CDSN: variants seen among roughly 807,000 people sequenced by gnomAD.
CDSN encodes the protein S protein.
Under a neutral mutation model 25.6 loss-of-function variants are expected in CDSN, and 11 were observed. That is an observed-to-expected ratio of 0.43 (90% confidence interval 0.27 to 0.71). The LOEUF is 0.71. Ranked by LOEUF, CDSN falls within the 30% of genes least tolerant of loss-of-function variation. The probability of loss-of-function intolerance (pLI) is 0.20; values close to 1 mark genes in which losing one functional copy is unlikely to be tolerated. For synonymous variants in CDSN, 266 were observed against 267.4 expected, an observed-to-expected ratio of 0.99 and a Z score of 0.05; for missense variants, 598 against 670.9, an observed-to-expected ratio of 0.89 and a Z score of 1.20.
At position 31,117,072 on chromosome 6, in the gene CDSN, G is replaced by A; in HGVS notation, c.543C>T (p.Asn181=). ...AAGGGTTTAGTATTCCGCGGTAAGA[G>A]TTGTCATTGGTTGGCAGAGCAGAGC... ...GNGSALPTND[N]SYRGILNPSQ... Residue 181 remains asparagine, a synonymous_variant, in exon 2 of 2, where the codon AAC becomes AAT. Coordinates refer to ENST00000376288, the MANE Select transcript of CDSN (RefSeq NM_001264.5). 3.7e-6 allele frequency: 6 copies of A among 1,614,212 alleles called. No individual in the cohort carries two copies. The highest frequency in any genetic ancestry group is 4.2e-6 in the Non-Finnish European group (5 of 1,180,046).
rs924872092 is a variant in CDSN, at chr6:31,119,674, G to A, written c.85+661C>T. ...AGCACCTTGGGAGGCTGAGGCGAGC[G>A]GATCACTTGAGTCAGGAGTTCAAGA... On this transcript the variant is annotated intron_variant, in intron 1 of 1. Coordinates refer to ENST00000376288, the MANE Select transcript of CDSN (RefSeq NM_001264.5). 4.6e-5 allele frequency among the ~76,000 whole-genome samples: 7 copies of A among 152,152 alleles called. No individual in the cohort carries two copies. In the South Asian group the frequency reaches 8.3e-4, roughly 18 times the overall value.
Position 31,117,275 on chromosome 6 carries a change from G to C in CDSN, c.340C>G (p.Gln114Glu), listed in dbSNP as rs1022856089. 1 of 1,605,388 alleles carries C rather than the reference G, an allele frequency of 6.2e-7. No homozygotes were observed. The highest frequency in any genetic ancestry group is 8.5e-7 in the Non-Finnish European group (1 of 1,175,260). ...CCAGATCCGGAGGAGTAGCTGACCTGGGAATACCCCGTTCCTGGCTTAAAA... is the reference window on the plus strand; with the variant it reads ...CCAGATCCGGAGGAGTAGCTGACCTCGGAATACCCCGTTCCTGGCTTAAAA... ...GSFKPGTGYS[Q>E]VSYSSGSGSS... The change falls in exon 2 of 2, where the codon CAG becomes GAG. Residue 114 changes from glutamine to glutamate, a missense_variant. Coordinates refer to ENST00000376288, the MANE Select transcript of CDSN (RefSeq NM_001264.5).
chr6:31,116,772 C>T lies in CDSN; in HGVS notation c.843G>A (p.Lys281=), dbSNP rs768688307. Residue 281 remains lysine, a synonymous_variant, in exon 2 of 2, where the codon AAG becomes AAA. Transcript: ENST00000376288. The stretch of plus-strand genomic sequence containing the variant: ...CTACAGAGGTGATTGGGGGACAGGG[C>T]TTGCCTGGAAGGCCACCATTGCTAC... ...PPCSNGGLPG[K]PCPPITSVDK... The T allele has an allele frequency of 3.1e-6, 5 of 1,613,296 alleles. No homozygotes were observed. Among genetic ancestry groups the T allele is most frequent in the Admixed American group, 3.3e-5 (2 of 60,006 alleles).
intron 1 of CDSN, chr6:31,118,944 G>A (rs1174934676): frequency 1.3e-5 from 2 of 148,826 alleles, no homozygotes. Context: ...CTTGGTGCAA[G>A]CGATTCTCCT....
Position 31,120,349 on chromosome 6 carries a change from C to T in CDSN, c.71G>A (p.Gly24Asp). Residue 24 changes from glycine (G) to aspartate (D), a missense_variant, in exon 1 of 2, where the codon GGT becomes GAT. Coordinates refer to ENST00000376288, the MANE Select transcript of CDSN (RefSeq NM_001264.5). ...GHGMMALLLAGLLLPGTLAKS... is the reference protein window; with the variant it reads ...GHGMMALLLADLLLPGTLAKS... ...CAGCCTCCTACCTGGCAGGAGGAGACCAGCCAGCAGCAGTGCCATCATCCC... is the reference window on the plus strand; with the variant it reads ...CAGCCTCCTACCTGGCAGGAGGAGATCAGCCAGCAGCAGTGCCATCATCCC... The T allele has an allele frequency of 6.3e-7, 1 of 1,588,032 alleles. No homozygotes were observed. Among genetic ancestry groups the T allele is most frequent in the Non-Finnish European group, 8.6e-7 (1 of 1,168,140 alleles).
rs1451413695 is a variant in CDSN at position 31,116,747 on chromosome 6, C to G, written c.868G>C (p.Asp290His). 1 of 1,613,068 alleles carries G rather than the reference C, an allele frequency of 6.2e-7. No individual in the cohort carries two copies. Among genetic ancestry groups the G allele is most frequent in the Admixed American group, 1.7e-5 (1 of 60,024 alleles). ...GKPCPPITSV[D>H]KSYGGYEVVG... ...ACCTCGTAGCCACCATAGGATTTGT[C>G]TACAGAGGTGATTGGGGGACAGGGC... The change falls in exon 2 of 2, where the codon GAC becomes CAC. Residue 290 changes from aspartate (D) to histidine (H), a missense_variant. Coordinates refer to ENST00000376288, the MANE Select transcript of CDSN (RefSeq NM_001264.5).
Position 31,117,154 on chromosome 6 carries a change from T to C in CDSN, c.461A>G (p.His154Arg). 1 of 1,606,412 alleles carries C rather than the reference T, an allele frequency of 6.2e-7. No homozygotes were observed. The highest frequency in any genetic ancestry group is 1.1e-5 in the South Asian group (1 of 90,720). The change falls in exon 2 of 2, where the codon CAT becomes CGT. Residue 154 changes from histidine (H) to arginine (R), a missense_variant. By Grantham distance (29) the His-to-Arg change is conservative. Transcript: ENST00000376288. The stretch of plus-strand genomic sequence containing the variant: ...CTGAAAGCTGCTGCTGCTGCTCGAA[T>C]GAGAGCTGCTGCTTCCCGAGTGAGA... ...SGSHSGSSSS[H>R]SSSSSSFQFS...
chr6:31,120,260 T>C lies in CDSN; in HGVS notation c.85+75A>G, dbSNP rs3095319. Reference sequence around the variant, plus strand: ...AAAGGCAGATTCCAGAGCCCCTGCCTGTCCCCTTCGCTGGGTCCTCTCCCG... The same window carrying C: ...AAAGGCAGATTCCAGAGCCCCTGCCCGTCCCCTTCGCTGGGTCCTCTCCCG... On this transcript the variant is annotated intron_variant, in intron 1 of 1. Coordinates refer to ENST00000376288, the MANE Select transcript of CDSN (RefSeq NM_001264.5). 0.74 allele frequency: 850,233 copies of C among 1,149,336 alleles called. 316,626 individuals carry two copies. Among genetic ancestry groups the C allele is most frequent in the South Asian group, 0.83 (63,268 of 76,532 alleles). 71.2% of individuals were successfully genotyped at this position (1,149,336 alleles called of 1,614,324 possible). A position where few individuals can be genotyped will look rare whatever the true frequency, so the allele number is the denominator to read the frequency against.
chr6:31,115,929 C>T lies in CDSN; in HGVS notation c.*96G>A. On this transcript the variant is annotated 3_prime_UTR_variant, in exon 2 of 2. Transcript: ENST00000376288. The surrounding 1 kb of genome is among the most constrained non-coding windows in gnomAD (Gnocchi z 4.2). ...TCTTTTGGGAAGGAGGGAAACTGAG[C>T]TAACCCTATGCCTGGGCACTGGACT... 1 of 1,126,066 alleles carries T rather than the reference C, an allele frequency of 8.9e-7. No individual in the cohort carries two copies. 69.8% of individuals were successfully genotyped at this position (1,126,066 alleles called of 1,614,324 possible).
chr6:31,116,305 G>A lies in CDSN; in HGVS notation c.1310C>T (p.Ser437Phe), dbSNP rs764535227. The A allele has an allele frequency of 3.7e-5, 60 of 1,613,968 alleles. 1 individual carries two copies. In the Admixed American group the frequency reaches 4.5e-4, roughly 12 times the overall value. Residue 437 changes from serine to phenylalanine, a missense_variant, in exon 2 of 2, where the codon TCC becomes TTC. By Grantham distance (155) the Ser-to-Phe change is radical. Coordinates refer to ENST00000376288, the MANE Select transcript of CDSN (RefSeq NM_001264.5). Reference protein sequence around the residue: ...GTGSFSSSSSSQSSGKIILQP... With the variant: ...GTGSFSSSSSFQSSGKIILQP... The stretch of plus-strand genomic sequence containing the variant: ...AAGGATGATTTTGCCACTGGATTGG[G>A]AACTGGAGCTGCTGCTGAAGGAGCC...
rs1062470 is a variant in CDSN, at chr6:31,116,658, G to A, written c.957C>T (p.Tyr319=). Reference sequence around the variant, plus strand: ...TCTCTTTGGTGAAGTAGCCCACAGGGTAGATTTTACCCTTACTGTAGGTCA... The same window carrying A: ...TCTCTTTGGTGAAGTAGCCCACAGGATAGATTTTACCCTTACTGTAGGTCA... ...PGMTYSKGKI[Y]PVGYFTKENP... The change falls in exon 2 of 2, where the codon TAC becomes TAT. Residue 319 remains tyrosine (Y), a synonymous_variant. Coordinates refer to ENST00000376288, the MANE Select transcript of CDSN (RefSeq NM_001264.5). The A allele has an allele frequency of 0.34, 545,089 of 1,612,366 alleles. 95,991 individuals carry two copies. The highest frequency in any genetic ancestry group is 0.57 in the African/African-American group (42,721 of 74,930).
chr6:31,117,067 T>C lies in CDSN; in HGVS notation c.548A>G (p.Tyr183Cys). The change falls in exon 2 of 2, where the codon TAC becomes TGC. Residue 183 changes from tyrosine (Y) to cysteine (C), a missense_variant. Transcript: ENST00000376288. ...CTGGGAAGGGTTTAGTATTCCGCGG[T>C]AAGAGTTGTCATTGGTTGGCAGAGC... ...GSALPTNDNS[Y>C]RGILNPSQPG... 1.9e-6 allele frequency: 3 copies of C among 1,614,180 alleles called. No homozygotes were observed. The highest frequency in any genetic ancestry group is 2.5e-6 in the Non-Finnish European group (3 of 1,180,018).
chr6:31,117,173 A>T lies in CDSN; in HGVS notation c.442T>A (p.Ser148Thr). 1 of 1,611,926 alleles carries T rather than the reference A, an allele frequency of 6.2e-7. No individual in the cohort carries two copies. Among genetic ancestry groups the T allele is most frequent in the African/African-American group, 1.3e-5 (1 of 74,910 alleles). The change falls in exon 2 of 2, where the codon TCG becomes ACG. Residue 148 changes from serine to threonine, a missense_variant. Ser to Thr is a moderately conservative substitution (Grantham distance 58, BLOSUM62 1). Transcript: ENST00000376288. ...SSHSGNSGSH[S>T]GSSSSHSSSS... ...CTCGAATGAGAGCTGCTGCTTCCCG[A>T]GTGAGAGCCGCTGTTTCCCGAGTGA...
chr6:31,118,593 C>G (rs1039632890), intron 1 of CDSN: 1 of 152,494 alleles, frequency 6.6e-6, no homozygotes, highest in Non-Finnish European at 1.5e-5. Flanking sequence ...CTTTCCTTTC[C>G]TTTGCTCAAA....
intron 1 of CDSN, chr6:31,118,224 C>G (rs748581771): frequency 6.6e-6 from 1 of 152,536 alleles, no homozygotes; most frequent in African/African-American, 2.4e-5. Flanking sequence ...AAAGGGCACT[C>G]GAGGACTAAG....
rs140309252 is a variant in CDSN, at chr6:31,117,426, G to T, written c.189C>A (p.Ser63Arg). ...DPCLTGKGDS[S>R]GFSSYSGSSS... is the part of the protein sequence containing the mutation. Reference sequence around the variant, plus strand: ...TGGAGCCACTGTAGCTACTGAAACCGCTGGAGTCACCCTTCCCAGTGAGGC... The same window carrying T: ...TGGAGCCACTGTAGCTACTGAAACCTCTGGAGTCACCCTTCCCAGTGAGGC... Residue 63 changes from serine to arginine, a missense_variant, in exon 2 of 2, where the codon AGC becomes AGA. Ser to Arg is a moderately radical substitution (Grantham distance 110). Transcript: ENST00000376288. The T allele has an allele frequency of 6.4e-7, 1 of 1,560,298 alleles. No individual in the cohort carries two copies. Among genetic ancestry groups the T allele is most frequent in the Non-Finnish European group, 8.7e-7 (1 of 1,152,302 alleles).
intron 1 of CDSN, among the ~76,000 whole-genome samples, chr6:31,119,294 C>A (rs1046609020): frequency 1.3e-5 from 2 of 152,184 alleles, no homozygotes; most frequent in African/African-American, 4.8e-5. Context: ...CACGCCGAAC[C>A]CCAGCTGTGC....
At position 31,115,659 on chromosome 6, in the gene CDSN, G is replaced by A. The variant is rs1338516822; in HGVS notation, c.*366C>T. The A allele has an allele frequency of 6.6e-6, 2 of 305,014 alleles. No homozygotes were observed. The highest frequency in any genetic ancestry group is 1.2e-5 in the Non-Finnish European group (2 of 164,340). The allele number at this position is 305,014 out of a possible 1,614,324, so 18.9% of individuals were successfully genotyped here. On this transcript the variant is annotated 3_prime_UTR_variant, in exon 2 of 2. Coordinates refer to ENST00000376288, the MANE Select transcript of CDSN (RefSeq NM_001264.5). The surrounding 1 kb of genome is among the most constrained non-coding windows in gnomAD (Gnocchi z 4.2). Reference sequence around the variant, plus strand: ...TCTTCAGGCGTCAGAGGTGCTCTGAGAGCATTTCAGGGGTTTCCCAGTTGA... The same window carrying A: ...TCTTCAGGCGTCAGAGGTGCTCTGAAAGCATTTCAGGGGTTTCCCAGTTGA...
In CDSN at chr6:31,116,672, T is replaced by C. The variant is rs750122643; in HGVS notation, c.943A>G (p.Lys315Glu). 6.2e-7 allele frequency: 1 copy of C among 1,612,728 alleles called. No homozygotes were observed. Among genetic ancestry groups the C allele is most frequent in the Non-Finnish European group, 8.5e-7 (1 of 1,180,006 alleles). Residue 315 changes from lysine to glutamate, a missense_variant, in exon 2 of 2, where the codon AAG (lysine) becomes GAG (glutamate). Lys to Glu is a moderately conservative substitution (Grantham distance 56). Coordinates refer to ENST00000376288, the MANE Select transcript of CDSN (RefSeq NM_001264.5). Reference sequence around the variant, plus strand: ...TAGCCCACAGGGTAGATTTTACCCTTACTGTAGGTCATGCCTGGAACCAGA... The same window carrying C: ...TAGCCCACAGGGTAGATTTTACCCTCACTGTAGGTCATGCCTGGAACCAGA... ...SYLVPGMTYS[K>E]GKIYPVGYFT...
Sources: allele counts gnomAD v4.1 joint callset (sites outside exome capture counted in the v4.1 genomes callset), GRCh38; gene constraint gnomAD v4.1.1; non-coding constraint Gnocchi (gnomAD v3.1); transcripts MANE v1.5; gene names NCBI Gene and HGNC (gene_info 2026-07-23, HGNC 2026-07-21).